IGF1R: variants seen among roughly 807,000 people sequenced by gnomAD.
The protein encoded by IGF1R is insulin like growth factor 1 receptor.
Under a neutral mutation model 144.6 loss-of-function variants are expected in IGF1R, and 44 were observed. The ratio of observed to expected loss-of-function variants is 0.30; its 90% CI spans 0.24 to 0.39. The LOEUF is 0.39. Ranked by LOEUF, IGF1R falls within the 10% of genes least tolerant of loss-of-function variation. IGF1R has a pLI of 1.00. For synonymous variants in IGF1R, 795 were observed against 722.8 expected (o/e 1.10, Z -1.60); for missense variants, 1,355 against 1,833.7 (o/e 0.74, Z 4.77).
intron 2 of IGF1R, among the ~76,000 whole-genome samples, chr15:98,884,171 G>A (rs1016455547): frequency 1.1e-4 from 16 of 152,046 alleles, no homozygotes; most frequent in Admixed American, 2.0e-4. Context: ...CCTTGGCCAC[G>A]GTGTGTGCTG....
In IGF1R at chr15:98,896,853, C is replaced by T. The variant is rs1419252480; in HGVS notation, c.1050C>T (p.Leu350=). 1 of 1,613,930 alleles carries T rather than the reference C, an allele frequency of 6.2e-7. No individual in the cohort carries two copies. The highest frequency in any genetic ancestry group is 8.5e-7 in the Non-Finnish European group (1 of 1,179,898). Reference sequence around the variant, plus strand: ...ATTCTGTTACTTCTGCTCAGATGCTCCAAGGATGCACCATCTTCAAGGGCA... The same window carrying T: ...ATTCTGTTACTTCTGCTCAGATGCTTCAAGGATGCACCATCTTCAAGGGCA... The part of the protein sequence containing the change: ...TIDSVTSAQM[L]QGCTIFKGNL... The change falls in exon 4 of 21, where the codon CTC becomes CTT. Residue 350 remains leucine, a synonymous_variant. Coordinates refer to ENST00000650285, the MANE Select transcript of IGF1R (RefSeq NM_000875.5).
At position 98,865,460 on chromosome 15, in the gene IGF1R, G is replaced by T. The variant is rs552792152; in HGVS notation, c.641-25865G>T. ...GAGGGGCTGGCTGGAGGTGGGGCTC[G>T]GCGTGCATAGCGGCCACGTGACTGC... On this transcript the variant is annotated intron_variant, in intron 2 of 20. Transcript: ENST00000650285. Among the ~76,000 whole-genome samples the T allele has an allele frequency of 2.7e-4, 41 of 152,286 alleles. 1 individual carries two copies. The South Asian group carries it at 7.9e-3, about 29-fold the overall frequency.
intron 2 of IGF1R, among the ~76,000 whole-genome samples, chr15:98,821,824 C>T (rs1162184202): frequency 6.6e-6 from 1 of 151,948 alleles, no homozygotes; most frequent in African/African-American, 2.4e-5. Flanking sequence ...CAGGAATTAG[C>T]TGCTGGCCTC....
intron 19 of IGF1R, among the ~76,000 whole-genome samples, chr15:98,947,448 G>C (rs949065234): frequency 6.6e-6 from 1 of 152,198 alleles, no homozygotes; most frequent in African/African-American, 2.4e-5. Flanking sequence ...GCCCAGGACA[G>C]GTCCAGCTAG....
At position 98,939,326 on chromosome 15, in the gene IGF1R, C is replaced by T. The variant is rs2151714233; in HGVS notation, c.3423C>T (p.Cys1141=). ...FVHRDLAARN[C]MVAEDFTVKI... ...ACAGAGACCTTGCTGCCCGGAATTG[C>T]ATGGTAGCCGAAGATTTCACAGTCA... Residue 1141 remains cysteine (C), a synonymous_variant, in exon 18 of 21, where the codon TGC becomes TGT. Transcript: ENST00000650285. The T allele has an allele frequency of 6.2e-7, 1 of 1,614,150 alleles. No individual in the cohort carries two copies. Among genetic ancestry groups the T allele is most frequent in the South Asian group, 1.1e-5 (1 of 91,058 alleles).
intron 1 of IGF1R, among the ~76,000 whole-genome samples, chr15:98,650,057 C>T (rs866633521): frequency 6.7e-6 from 1 of 149,924 alleles, no homozygotes; most frequent in Middle Eastern, 3.6e-3. Context: ...AGAGCCTCTC[C>T]GCACACAGCG....
At chr15:98,917,063 A>G in intron 10 of IGF1R, 187 bp downstream of exon 10, 1 of 674,892 alleles carries the variant, frequency 1.5e-6, no homozygotes, top group East Asian at 2.8e-5. Context: ...TCAGCCCTGA[A>G]GGGAACAGGG....
rs747369291 is a variant in IGF1R, at chr15:98,939,118, G to GATGAT, written c.3298-79_3298-75dup. On this transcript the variant is annotated intron_variant, in intron 17 of 20. Coordinates refer to ENST00000650285, the MANE Select transcript of IGF1R (RefSeq NM_000875.5). The stretch of plus-strand genomic sequence containing the variant: ...ACCCACGGTGCCCAGATTGAACAAA[G>GATGAT]ATGATATGCAAACCTCGAAAGAAAT... The GATGAT allele has an allele frequency of 5.4e-5, 63 of 1,167,232 alleles. No homozygotes were observed. The East Asian group carries it at 1.1e-3, about 20-fold the overall frequency. The allele number at this position is 1,167,232 out of a possible 1,614,324, so 72.3% of individuals were successfully genotyped here.
At chr15:98,690,472 G>T (rs2053449635) in intron 1 of IGF1R, among the ~76,000 whole-genome samples, 1 of 152,238 alleles carries the variant, frequency 6.6e-6, no homozygotes, top group Admixed American at 6.5e-5. Context: ...AAGCTTTGCA[G>T]ATACTTGCTA....
At chr15:98,728,008 T>TTG (rs1555436593) in intron 2 of IGF1R, among the ~76,000 whole-genome samples, 2 of 4,126 alleles carry the variant, frequency 4.8e-4, no homozygotes, top group East Asian at 4.8e-3. Flanking sequence ...AGATGCATTG[T>TTG]TTTTTTTTTT....
intron 2 of IGF1R, among the ~76,000 whole-genome samples, chr15:98,879,987 T>C (rs996426825): frequency 2.6e-5 from 4 of 152,152 alleles, no homozygotes; most frequent in African/African-American, 9.7e-5. Flanking sequence ...GTGGGAAGCA[T>C]GGCTAACGGG....
intron 2 of IGF1R, among the ~76,000 whole-genome samples, chr15:98,853,859 G>C (rs904130023): frequency 6.6e-6 from 1 of 152,210 alleles, no homozygotes; most frequent in Admixed American, 6.5e-5. Context: ...AGAAATGTAA[G>C]GCGTGGCCTG....
intron 1 of IGF1R, among the ~76,000 whole-genome samples, chr15:98,667,709 G>GC (rs2052780550): frequency 1.3e-5 from 2 of 152,150 alleles, no homozygotes; most frequent in Non-Finnish European, 2.9e-5. Context: ...TCTCTGTCCC[G>GC]CCCGGGGGAG....
Position 98,685,611 on chromosome 15 carries a change from C to T in IGF1R, c.95-21951C>T, listed in dbSNP as rs143492536. On this transcript the variant is annotated intron_variant, in intron 1 of 20. Transcript: ENST00000650285. ...CTGGCTCAGACCATGTGTATATCTG[C>T]TCATTGTCTGTCCAGGGTCCCTCCA... Among the ~76,000 whole-genome samples, 40 of 152,332 alleles carry T rather than the reference C, an allele frequency of 2.6e-4. No individual in the cohort carries two copies. In the East Asian group the frequency reaches 5.6e-3, roughly 21 times the overall value.
At chr15:98,793,132 C>T (rs961535384) in intron 2 of IGF1R, among the ~76,000 whole-genome samples, 2 of 152,058 alleles carry the variant, frequency 1.3e-5, no homozygotes, top group African/African-American at 2.4e-5. Context: ...TCTCTTGCCC[C>T]GATCATAAAG....
Position 98,959,475 on chromosome 15 carries a change from G to T in IGF1R, c.*2033G>T. 4.3e-6 allele frequency: 1 copy of T among 233,758 alleles called. No homozygotes were observed. The allele number at this position is 233,758 out of a possible 1,614,324, so 14.5% of individuals were successfully genotyped here. On this transcript the variant is annotated 3_prime_UTR_variant, in exon 21 of 21. Transcript: ENST00000650285. ...GACCCCGGGATCCAGGCTGGCCCAG[G>T]GCGGCACCCTCAGGGCTGTGCCCGC...
At chr15:98,946,396 G>A (rs991521685) in intron 19 of IGF1R, among the ~76,000 whole-genome samples, 2 of 152,118 alleles carry the variant, frequency 1.3e-5, no homozygotes, top group Middle Eastern at 3.2e-3. Flanking sequence ...TGAACCAGAG[G>A]GTGATTAGAG....
At chr15:98,757,689 G>A (rs746240425) in intron 2 of IGF1R, among the ~76,000 whole-genome samples, 3 of 151,804 alleles carry the variant, frequency 2.0e-5, no homozygotes, top group Non-Finnish European at 4.4e-5. Context: ...ACTTTGCTTG[G>A]TATACTCTTG....
At chr15:98,759,791 C>T (rs567931953) in intron 2 of IGF1R, among the ~76,000 whole-genome samples, 74 of 152,266 alleles carry the variant, frequency 4.9e-4, no homozygotes, top group African/African-American at 1.7e-3. Flanking sequence ...GTAAAGTGCC[C>T]GAACCTGCTA....
Sources: gnomAD v4.1 joint callset for allele counts (sites outside exome capture counted in the v4.1 genomes callset) on GRCh38, gnomAD v4.1.1 for gene constraint, MANE v1.5 for transcripts, NCBI Gene and HGNC (gene_info 2026-07-23, HGNC 2026-07-21) for gene names.